Variants in KDM4B observed in about 807,000 individuals in gnomAD.
KDM4B encodes lysine-specific demethylase 4B.
KDM4B carries 32 observed loss-of-function variants against 125.2 expected under a neutral mutation model. The observed-to-expected ratio is 0.26, with a 90% CI of 0.19 to 0.34. The LOEUF is 0.34. Ranked by LOEUF, KDM4B falls within the 10% of genes least tolerant of loss-of-function variation. The pLI is 1.00. For missense variants in KDM4B, 1,190 were observed against 1,577.7 expected, an observed-to-expected ratio of 0.75 and a Z score of 4.16; for synonymous variants, 721 against 677.9, an observed-to-expected ratio of 1.06 and a Z score of -0.99.
chr19:4,976,173 C>G (rs1215118576), intron 1 of KDM4B, among the ~76,000 whole-genome samples: 1 of 125,372 alleles, frequency 8.0e-6, no homozygotes, highest in East Asian at 4.6e-4. Flanking sequence ...CGCTTGAACC[C>G]TGGAGGCAGG....
At chr19:5,025,616 C>A (rs895124826) in intron 2 of KDM4B, among the ~76,000 whole-genome samples, 35 of 152,210 alleles carry the variant, frequency 2.3e-4, no homozygotes, top group Non-Finnish European at 4.6e-4. Context: ...GCCCAGCCCC[C>A]AGGGCCCACC....
intron 1 of KDM4B, among the ~76,000 whole-genome samples, chr19:5,006,957 C>G (rs1162368240): frequency 1.3e-5 from 2 of 152,112 alleles, no homozygotes; most frequent in African/African-American, 2.4e-5. Flanking sequence ...CAAGGGGACA[C>G]CAGAGCGGGC....
chr19:5,094,270 G>A (rs920101612), intron 9 of KDM4B, among the ~76,000 whole-genome samples: 1 of 152,260 alleles, frequency 6.6e-6, no homozygotes, highest in Non-Finnish European at 1.5e-5. Flanking sequence ...AAGCTCCTCT[G>A]TGAGGCCCCG....
intron 1 of KDM4B, among the ~76,000 whole-genome samples, chr19:4,993,413 GA>G (rs34075415): frequency 3.1e-4 from 45 of 144,524 alleles, no homozygotes; most frequent in Non-Finnish European, 3.7e-4. Flanking sequence ...CATCTCAAGG[GA>G]AAAAAAAAAA....
intron 9 of KDM4B, among the ~76,000 whole-genome samples, chr19:5,102,753 G>T (rs1282893856): frequency 6.6e-6 from 1 of 152,266 alleles, no homozygotes; most frequent in African/African-American, 2.4e-5. Flanking sequence ...CCCGCCCATA[G>T]GAGAGCCCTG....
At chr19:5,089,808 C>A (rs778348893) in intron 9 of KDM4B, among the ~76,000 whole-genome samples, 1 of 151,838 alleles carries the variant, frequency 6.6e-6, no homozygotes, top group Non-Finnish European at 1.5e-5. Context: ...GCAAGCACCC[C>A]ACAGTTCCCA....
chr19:5,055,048 G>T (rs375023601), intron 6 of KDM4B, among the ~76,000 whole-genome samples: 6 of 152,274 alleles, frequency 3.9e-5, no homozygotes, highest in Admixed American at 1.3e-4. Flanking sequence ...TGCGCCTGGC[G>T]TGTGGGGCAC....
intron 10 of KDM4B, chr19:5,111,505 C>G (rs1208964075): frequency 1.3e-6 from 1 of 765,202 alleles, no homozygotes; most frequent in Non-Finnish European, 2.4e-6. Context: ...GGAGGCAGGT[C>G]CCGGCCTAGG....
chr19:5,148,495 C>T (rs950930570), intron 21 of KDM4B, among the ~76,000 whole-genome samples: 1 of 152,246 alleles, frequency 6.6e-6, no homozygotes, highest in Non-Finnish European at 1.5e-5. Flanking sequence ...CGCGCCTTCC[C>T]CTCCTGGCAA....
chr19:5,072,201 C>G (rs370720543), intron 7 of KDM4B, among the ~76,000 whole-genome samples: 113 of 152,310 alleles, frequency 7.4e-4, no homozygotes, highest in African/African-American at 2.6e-3. Flanking sequence ...TTCCCATGGG[C>G]TTTTGGCTTT....
At chr19:5,128,189 G>A (rs1478543689) in intron 11 of KDM4B, among the ~76,000 whole-genome samples, 1 of 152,224 alleles carries the variant, frequency 6.6e-6, no homozygotes, top group African/African-American at 2.4e-5. Context: ...GCTGCCTGTT[G>A]TGTGTGAGGG....
chr19:5,031,447 T>C (rs1378951410), intron 2 of KDM4B, among the ~76,000 whole-genome samples: 1 of 152,264 alleles, frequency 6.6e-6, no homozygotes, highest in Non-Finnish European at 1.5e-5. Flanking sequence ...GCTTTGCGGC[T>C]GCCCCATGGG....
At chr19:5,105,272 C>T (rs1224758887) in intron 9 of KDM4B, among the ~76,000 whole-genome samples, 1 of 152,248 alleles carries the variant, frequency 6.6e-6, no homozygotes, top group Non-Finnish European at 1.5e-5. Flanking sequence ...GCAGCTGCCA[C>T]GCTCAGTACA....
intron 1 of KDM4B, among the ~76,000 whole-genome samples, chr19:5,014,150 A>G (rs1278967925): frequency 1.3e-5 from 2 of 152,218 alleles, no homozygotes; most frequent in Non-Finnish European, 2.9e-5. Context: ...TGAAACTTGC[A>G]TTATTTATTT....
At chr19:5,147,412 G>A (rs945784752) in intron 21 of KDM4B, among the ~76,000 whole-genome samples, 1 of 152,140 alleles carries the variant, frequency 6.6e-6, no homozygotes, top group Non-Finnish European at 1.5e-5. Flanking sequence ...CGTCAGGGGA[G>A]CTCACCTCAA....
chr19:5,097,398 T>C (rs2038849059), intron 9 of KDM4B, among the ~76,000 whole-genome samples: 1 of 152,160 alleles, frequency 6.6e-6, no homozygotes, highest in African/African-American at 2.4e-5. Context: ...CTACAGGTAT[T>C]GCACCACCAT....
intron 9 of KDM4B, among the ~76,000 whole-genome samples, chr19:5,085,685 C>G (rs981504892): frequency 2.0e-5 from 3 of 152,238 alleles, no homozygotes; most frequent in Non-Finnish European, 4.4e-5. Flanking sequence ...CCCCGCTGTC[C>G]CAGCCCCTGC....
At chr19:5,079,217 C>A (rs1039611171) in intron 8 of KDM4B, 1 of 152,178 alleles carries the variant, frequency 6.6e-6, no homozygotes, top group East Asian at 1.9e-4. Context: ...CAGAGGAAAC[C>A]GAGTTCCGGG....
intron 5 of KDM4B, among the ~76,000 whole-genome samples, chr19:5,044,420 G>A (rs561698311): frequency 2.7e-5 from 4 of 149,386 alleles, no homozygotes; most frequent in South Asian, 2.1e-4. Flanking sequence ...TATCCCACGC[G>A]GTGTTTATCG....
Sources: gnomAD v4.1 joint callset for allele counts (sites outside exome capture counted in the v4.1 genomes callset) on GRCh38, gnomAD v4.1.1 for gene constraint, MANE v1.5 for transcripts, NCBI Gene and HGNC (gene_info 2026-07-23, HGNC 2026-07-21) for gene names.